PDE1C: variants seen among roughly 807,000 people sequenced by gnomAD.
PDE1C encodes the protein phosphodiesterase 1C.
A neutral mutation model predicts 93.1 loss-of-function variants in PDE1C; 62 were observed. The observed-to-expected ratio is 0.67, with a 90% CI of 0.54 to 0.82. The LOEUF (loss-of-function observed/expected upper bound fraction) is 0.82, where lower values mean the gene tolerates loss of function less well. PDE1C is among the 40% of genes least tolerant of loss of function. The pLI is 0.00. For missense variants in PDE1C, 742 were observed against 884.6 expected (o/e 0.84, Z 2.04); for synonymous variants, 325 against 310.1 (o/e 1.05, Z -0.50).
intron 3 of PDE1C, among the ~76,000 whole-genome samples, chr7:32,097,678 A>G (rs1288078962): frequency 6.6e-6 from 1 of 152,214 alleles, no homozygotes; most frequent in Non-Finnish European, 1.5e-5. Flanking sequence ...TTGTTGGTGC[A>G]TTTTAAAAGA....
intron 1 of PDE1C, among the ~76,000 whole-genome samples, chr7:32,349,965 TC>T (rs1246715806): frequency 6.6e-6 from 1 of 152,212 alleles, no homozygotes; most frequent in East Asian, 1.9e-4. Flanking sequence ...TTTAGAATAT[TC>T]TGCTAGCAAT....
At chr7:32,175,942 C>T (rs1584905902) in intron 2 of PDE1C, among the ~76,000 whole-genome samples, 1 of 152,182 alleles carries the variant, frequency 6.6e-6, no homozygotes, top group Non-Finnish European at 1.5e-5. Flanking sequence ...TGCCATTTCA[C>T]ATCCATTAAG....
intron 2 of PDE1C, among the ~76,000 whole-genome samples, chr7:31,996,668 G>T (rs1350402792): frequency 6.6e-6 from 1 of 152,224 alleles, no homozygotes; most frequent in Non-Finnish European, 1.5e-5. Context: ...ACAGGACATA[G>T]AAACTATTGC....
At chr7:32,070,198 T>C (rs544268904) in intron 1 of PDE1C, 95 bp downstream of exon 1, 2 of 1,579,270 alleles carry the variant, frequency 1.3e-6, no homozygotes, top group African/African-American at 2.7e-5. Flanking sequence ...TAAAGGCCCA[T>C]GCAGGAACAG....
downstream of PDE1C, among the ~76,000 whole-genome samples, chr7:31,750,250 C>G (rs752223879): frequency 2.6e-5 from 4 of 151,970 alleles, no homozygotes; most frequent in African/African-American, 4.8e-5. Context: ...GAGTCCTAGT[C>G]AGTCATGAGG....
At chr7:31,954,105 T>C (rs1584162793) in intron 2 of PDE1C, among the ~76,000 whole-genome samples, 1 of 152,164 alleles carries the variant, frequency 6.6e-6, no homozygotes, top group African/African-American at 2.4e-5. Context: ...CTACCAAAGG[T>C]TCATGCTCCC....
At chr7:31,668,336 A>T in the PDE1C span, among the ~76,000 whole-genome samples, 1 of 152,158 alleles carries the variant, frequency 6.6e-6, no homozygotes, top group Non-Finnish European at 1.5e-5. Context: ...TACCCAAGAA[A>T]ATAAATATGT....
intron 1 of PDE1C, among the ~76,000 whole-genome samples, chr7:32,243,294 G>A (rs751559194): frequency 1.5e-4 from 23 of 152,162 alleles, no homozygotes; most frequent in Non-Finnish European, 1.3e-4. Flanking sequence ...GTCTTCCTGG[G>A]CTGGTGCTCA....
chr7:31,754,943 A>G (rs890341881), intron 17 of PDE1C, among the ~76,000 whole-genome samples: 2 of 152,226 alleles, frequency 1.3e-5, no homozygotes, highest in Non-Finnish European at 2.9e-5. Context: ...GCAAATTGTA[A>G]CAAGACAATG....
At chr7:31,853,212 T>G (rs1793563346) in intron 7 of PDE1C, among the ~76,000 whole-genome samples, 1 of 152,120 alleles carries the variant, frequency 6.6e-6, no homozygotes, top group Non-Finnish European at 1.5e-5. Flanking sequence ...TAAACAGGCA[T>G]TCAACAACAA....
intron 3 of PDE1C, among the ~76,000 whole-genome samples, chr7:32,133,996 C>T (rs900004658): frequency 6.6e-6 from 1 of 151,448 alleles, no homozygotes; most frequent in Admixed American, 6.6e-5. Flanking sequence ...TTGAAGAATA[C>T]TATACCTGAA....
chr7:31,955,111 C>T (rs925222963), intron 2 of PDE1C, among the ~76,000 whole-genome samples: 1 of 152,164 alleles, frequency 6.6e-6, no homozygotes, highest in African/African-American at 2.4e-5. Context: ...GCAATAATTC[C>T]AGTACTACAG....
At chr7:31,936,304 A>C (rs938885737) in intron 2 of PDE1C, among the ~76,000 whole-genome samples, 6 of 152,120 alleles carry the variant, frequency 3.9e-5, no homozygotes, top group African/African-American at 1.4e-4. Flanking sequence ...CCCAAACTGC[A>C]TTGATGCTGA....
chr7:31,715,695 C>T, the PDE1C span, among the ~76,000 whole-genome samples: 2 of 152,182 alleles, frequency 1.3e-5, no homozygotes, highest in Non-Finnish European at 2.9e-5. Flanking sequence ...TTCTTCTTGA[C>T]CTTGGGCCTA....
At position 31,916,298 on chromosome 7, in the gene PDE1C, T is replaced by G. The variant is rs77580145; in HGVS notation, c.129-35438A>C. 5.1e-3 allele frequency among the ~76,000 whole-genome samples: 771 copies of G among 152,298 alleles called. 9 individuals carry two copies. Among genetic ancestry groups the G allele is most frequent in the African/African-American group, 0.018 (743 of 41,568 alleles). On this transcript the variant is annotated intron_variant, in intron 2 of 17. Transcript: ENST00000396191. ...CTTAAAACCCCTCAAACCTACATGG[T>G]GATTTGCACATCTCAGGCTGTAAGT...
intron 1 of PDE1C, among the ~76,000 whole-genome samples, chr7:32,425,919 G>A (rs1785518987): frequency 6.6e-6 from 1 of 152,004 alleles, no homozygotes; most frequent in Non-Finnish European, 1.5e-5. Context: ...CAGTGCTCTG[G>A]ATGACAGAGC....
At chr7:32,192,628 ACACTTTTT>A (rs941228850) in intron 2 of PDE1C, among the ~76,000 whole-genome samples, 1 of 151,898 alleles carries the variant, frequency 6.6e-6, no homozygotes, top group African/African-American at 2.4e-5. Flanking sequence ...TAGACTCCTC[ACACTTTTT>A]TTTCTTTTTA....
the PDE1C span, among the ~76,000 whole-genome samples, chr7:31,732,174 A>G: frequency 1.3e-5 from 2 of 152,240 alleles, no homozygotes; most frequent in Middle Eastern, 6.8e-3. Flanking sequence ...CCTTCTTCCA[A>G]TCTTTTCTGC....
At chr7:31,856,914 C>G (rs1794092870) in intron 7 of PDE1C, among the ~76,000 whole-genome samples, 1 of 152,100 alleles carries the variant, frequency 6.6e-6, no homozygotes, top group Non-Finnish European at 1.5e-5. Context: ...ACTGTTTTCT[C>G]CTGAGACCTC....
Sources: gnomAD v4.1 joint callset for allele counts (sites outside exome capture counted in the v4.1 genomes callset) on GRCh38, gnomAD v4.1.1 for gene constraint, MANE v1.5 for transcripts, NCBI Gene and HGNC (gene_info 2026-07-23, HGNC 2026-07-21) for gene names.